Variants in PRKCI observed in about 807,000 individuals in gnomAD.
The protein encoded by PRKCI is protein kinase C iota, also known as protein kinase C iota type.
In PRKCI, 43 loss-of-function variants were observed where a neutral mutation model predicts 84.0. The ratio of observed to expected loss-of-function variants is 0.51; its 90% CI spans 0.40 to 0.66. The LOEUF (loss-of-function observed/expected upper bound fraction) is 0.66, where lower values mean the gene tolerates loss of function less well. PRKCI is among the 30% of genes least tolerant of loss of function. PRKCI has a pLI of 0.00. For missense variants in PRKCI, 459 were observed against 745.6 expected, an observed-to-expected ratio of 0.62 and a Z score of 4.48; for synonymous variants, 216 against 234.4, an observed-to-expected ratio of 0.92 and a Z score of 0.72.
chr3:170,262,053 C>G (rs1429669486), intron 3 of PRKCI, among the ~76,000 whole-genome samples: 2 of 152,166 alleles, frequency 1.3e-5, no homozygotes, highest in Non-Finnish European at 2.9e-5. Context: ...ACTGTGCTTC[C>G]TATAGTCTGT....
chr3:170,289,767 G>A (rs1020905602), intron 12 of PRKCI, among the ~76,000 whole-genome samples: 8 of 152,084 alleles, frequency 5.3e-5, no homozygotes, highest in African/African-American at 1.9e-4. Flanking sequence ...AAAAAATTAG[G>A]TGGGCGTGGT....
chr3:170,229,028 C>A (rs1014429886), intron 1 of PRKCI, among the ~76,000 whole-genome samples: 2 of 152,020 alleles, frequency 1.3e-5, no homozygotes, highest in African/African-American at 4.8e-5. Context: ...CAGTTCCATC[C>A]ATGCTGGTGT....
At chr3:170,254,051 T>C (rs1733521818) in intron 2 of PRKCI, among the ~76,000 whole-genome samples, 1 of 146,178 alleles carries the variant, frequency 6.8e-6, no homozygotes, top group Non-Finnish European at 1.5e-5. Context: ...GAGCCAAGAT[T>C]ACGCCACTGC....
chr3:170,255,833 A>G (rs190237751), intron 2 of PRKCI, among the ~76,000 whole-genome samples: 1 of 152,260 alleles, frequency 6.6e-6, no homozygotes, highest in Non-Finnish European at 1.5e-5. Flanking sequence ...TGTTCCTTCT[A>G]TCCCCAGTTT....
chr3:170,230,950 A>ATTTTTTTTGTTTGTTTTTTTT (rs1732772590), intron 1 of PRKCI, among the ~76,000 whole-genome samples: 1 of 138,038 alleles, frequency 7.2e-6, no homozygotes. Context: ...TCATTATTTA[A>ATTTTTTTTGTTTGTTTTTTTT]TTTTTTTTTT....
chr3:170,289,032 G>GT (rs971664663), intron 12 of PRKCI, among the ~76,000 whole-genome samples: 2 of 152,124 alleles, frequency 1.3e-5, no homozygotes, highest in Admixed American at 6.5e-5. Context: ...GCCTTTAAGT[G>GT]TTTTTTTCAT....
At chr3:170,250,327 A>G (rs539158522) in intron 2 of PRKCI, among the ~76,000 whole-genome samples, 1 of 152,044 alleles carries the variant, frequency 6.6e-6, no homozygotes, top group Admixed American at 6.6e-5. Flanking sequence ...CAACTTTGCT[A>G]AGATATAATT....
At chr3:170,271,555 G>T (rs1448373177) in intron 6 of PRKCI, among the ~76,000 whole-genome samples, 1 of 151,900 alleles carries the variant, frequency 6.6e-6, no homozygotes. Context: ...TTAATTTACT[G>T]GTTCTTTCTT....
rs113857684 is a variant in PRKCI at position 170,222,446 on chromosome 3, C to G, written c.-224C>G. 6.2e-3 allele frequency: 2,819 copies of G among 451,510 alleles called. 10 individuals carry two copies. The highest frequency in any genetic ancestry group is 0.016 in the Middle Eastern group (28 of 1,792). 28.0% of individuals were successfully genotyped at this position (451,510 alleles called of 1,614,324 possible). On this transcript the variant is annotated 5_prime_UTR_variant, in exon 1 of 18. Transcript: ENST00000295797. ...ACCGACGCAGGAGGTGTCTTGGGCCCGGGCGGCTGTAGAGGCGGCGGCGCC... is the reference window on the plus strand; with the variant it reads ...ACCGACGCAGGAGGTGTCTTGGGCCGGGGCGGCTGTAGAGGCGGCGGCGCC...
chr3:170,238,056 A>C (rs553286521), intron 2 of PRKCI, among the ~76,000 whole-genome samples: 1 of 152,124 alleles, frequency 6.6e-6, no homozygotes, highest in Non-Finnish European at 1.5e-5. Flanking sequence ...CTGGCCCTCC[A>C]TGGCCTTAAA....
At chr3:170,270,644 G>C in intron 6 of PRKCI, 83 bp downstream of exon 6, 1 of 1,429,856 alleles carries the variant, frequency 7.0e-7, no homozygotes, top group Non-Finnish European at 9.3e-7. Flanking sequence ...AAAATAGGGA[G>C]GTGTTCAGGA....
chr3:170,282,712 AG>A (rs1734277865), intron 11 of PRKCI, among the ~76,000 whole-genome samples: 3 of 151,022 alleles, frequency 2.0e-5, no homozygotes, highest in African/African-American at 7.3e-5. Context: ...AAAAAAAAAA[AG>A]ATCCCTCTTA....
intron 2 of PRKCI, among the ~76,000 whole-genome samples, chr3:170,242,886 G>T (rs1733171242): frequency 6.6e-6 from 1 of 151,924 alleles, no homozygotes; most frequent in Non-Finnish European, 1.5e-5. Flanking sequence ...GGCCAGGCTG[G>T]TCTCGAACTC....
chr3:170,246,008 G>T (rs1422709387), intron 2 of PRKCI, among the ~76,000 whole-genome samples: 5 of 125,600 alleles, frequency 4.0e-5, no homozygotes, highest in Non-Finnish European at 8.0e-5. Context: ...AGGCTGGAAT[G>T]CAGTGGTGTG....
At chr3:170,270,728 T>C (rs565133425) in intron 6 of PRKCI, among the ~76,000 whole-genome samples, 167 bp downstream of exon 6, 3 of 152,278 alleles carry the variant, frequency 2.0e-5, no homozygotes, top group South Asian at 4.2e-4. Context: ...CCGTGAACTT[T>C]GGAACTTCGA....
intron 1 of PRKCI, among the ~76,000 whole-genome samples, chr3:170,225,742 G>C (rs955201161): frequency 1.3e-5 from 2 of 151,552 alleles, no homozygotes; most frequent in Non-Finnish European, 2.9e-5. Flanking sequence ...TCTTTCCAGT[G>C]AATGTTGACT....
intron 5 of PRKCI, 125 bp from the exon 6 acceptor site, chr3:170,270,296 T>C: frequency 1.1e-6 from 1 of 934,914 alleles, no homozygotes; most frequent in Non-Finnish European, 1.5e-6. Context: ...TGTTTTGCTT[T>C]TGTTTTTGTT....
rs765401033 is a variant in PRKCI at position 170,284,584 on chromosome 3, C to T, written c.1191C>T (p.Tyr397=). ...AAGGCCACATTAAACTCACTGACTA[C>T]GGCATGTGTAAGGTGAGGAAAATTT... ...DSEGHIKLTD[Y]GMCKEGLRPG... is the part of the protein sequence containing the mutation. The change falls in exon 12 of 18, where the codon TAC becomes TAT. Residue 397 remains tyrosine (Y), a synonymous_variant. Transcript: ENST00000295797. 32 of 1,611,572 alleles carry T rather than the reference C, an allele frequency of 2.0e-5. No individual in the cohort carries two copies. The highest frequency in any genetic ancestry group is 1.4e-4 in the South Asian group (13 of 90,488).
At chr3:170,229,789 G>T (rs532380613) in intron 1 of PRKCI, among the ~76,000 whole-genome samples, 33 of 152,056 alleles carry the variant, frequency 2.2e-4, no homozygotes, top group Non-Finnish European at 4.0e-4. Flanking sequence ...TTAACAACAG[G>T]ACTAGTGAAG....
Sources: gnomAD v4.1 joint callset for allele counts (sites outside exome capture counted in the v4.1 genomes callset) on GRCh38, gnomAD v4.1.1 for gene constraint, MANE v1.5 for transcripts, NCBI Gene and HGNC (gene_info 2026-07-23, HGNC 2026-07-21) for gene names.